CNTNAP2: variants seen among roughly 807,000 people sequenced by gnomAD.
CNTNAP2 encodes contactin-associated protein-like 2.
CNTNAP2 carries 98 observed loss-of-function variants against 155.2 expected under a neutral mutation model. That is an observed-to-expected ratio of 0.63 (90% CI 0.54 to 0.75). CNTNAP2 has a LOEUF of 0.75. Ranked by LOEUF, CNTNAP2 falls within the 30% of genes least tolerant of loss-of-function variation. The pLI is 0.00. For missense variants in CNTNAP2, 1,727 were observed against 1,688.1 expected, an observed-to-expected ratio of 1.02 and a Z score of -0.40; for synonymous variants, 651 against 631.2, an observed-to-expected ratio of 1.03 and a Z score of -0.47.
intron 2 of CNTNAP2, among the ~76,000 whole-genome samples, chr7:146,797,724 T>C (rs1281583039): frequency 1.3e-5 from 2 of 152,154 alleles, no homozygotes; most frequent in African/African-American, 4.8e-5. Flanking sequence ...ATCTCACTGA[T>C]TTACAAAAAG....
At chr7:147,609,232 C>A (rs2116873836) in intron 12 of CNTNAP2, among the ~76,000 whole-genome samples, 1 of 152,190 alleles carries the variant, frequency 6.6e-6, no homozygotes, top group South Asian at 2.1e-4. Flanking sequence ...GAGTTTATTG[C>A]CCTTTAAGAA....
intron 1 of CNTNAP2, among the ~76,000 whole-genome samples, chr7:146,188,159 G>C (rs1798649548): frequency 6.6e-6 from 1 of 152,128 alleles, no homozygotes; most frequent in Admixed American, 6.6e-5. Context: ...AATCCATATT[G>C]AAACAGGATA....
At chr7:146,512,049 T>A (rs1797474501) in intron 1 of CNTNAP2, among the ~76,000 whole-genome samples, 1 of 152,018 alleles carries the variant, frequency 6.6e-6, no homozygotes, top group African/African-American at 2.4e-5. Flanking sequence ...TTGTTGAAGG[T>A]TTTCTGATTT....
intron 9 of CNTNAP2, among the ~76,000 whole-genome samples, chr7:147,363,703 T>C (rs1796181471): frequency 6.6e-6 from 1 of 152,206 alleles, no homozygotes; most frequent in African/African-American, 2.4e-5. Context: ...GTATGTTTTC[T>C]ATTAACTTCT....
At chr7:146,586,009 A>AAC (rs1563145393) in intron 1 of CNTNAP2, among the ~76,000 whole-genome samples, 1 of 128,204 alleles carries the variant, frequency 7.8e-6, no homozygotes, top group East Asian at 2.2e-4. Context: ...TGTCTCAAAA[A>AAC]AACAACAACA....
chr7:146,470,257 A>G (rs1398635107), intron 1 of CNTNAP2, among the ~76,000 whole-genome samples: 1 of 152,190 alleles, frequency 6.6e-6, no homozygotes, highest in Non-Finnish European at 1.5e-5. Flanking sequence ...ACATGGAATG[A>G]GTCTGTTGAT....
chr7:148,331,801 A>AGTGG (rs1183842019), intron 21 of CNTNAP2, among the ~76,000 whole-genome samples: 139 of 151,382 alleles, frequency 9.2e-4, no homozygotes, highest in Non-Finnish European at 1.4e-3. Context: ...GGATGGATAG[A>AGTGG]ATGGCCTCCT....
chr7:147,468,260 T>A (rs4725726), intron 10 of CNTNAP2, among the ~76,000 whole-genome samples: 2 of 152,048 alleles, frequency 1.3e-5, no homozygotes, highest in African/African-American at 4.8e-5. Flanking sequence ...TACAGTCCAG[T>A]CTGAGAAAGA....
chr7:146,784,023 C>A (rs1470044425), intron 2 of CNTNAP2, among the ~76,000 whole-genome samples: 1 of 152,046 alleles, frequency 6.6e-6, no homozygotes, highest in Non-Finnish European at 1.5e-5. Context: ...TCTGAAAATA[C>A]TGATTATAAA....
At chr7:146,151,785 T>C (rs1798057017) in intron 1 of CNTNAP2, among the ~76,000 whole-genome samples, 1 of 146,728 alleles carries the variant, frequency 6.8e-6, no homozygotes, top group Non-Finnish European at 1.5e-5. Flanking sequence ...TTGAGAACAG[T>C]CATCTACAAA....
At chr7:146,221,021 A>G (rs942733460) in intron 1 of CNTNAP2, among the ~76,000 whole-genome samples, 6 of 152,238 alleles carry the variant, frequency 3.9e-5, no homozygotes, top group Non-Finnish European at 7.3e-5. Context: ...AAGTACTTCC[A>G]GAGTCCAGAG....
chr7:147,762,503 G>C (rs932892750), intron 13 of CNTNAP2, among the ~76,000 whole-genome samples: 1 of 151,870 alleles, frequency 6.6e-6, no homozygotes, highest in African/African-American at 2.4e-5. Flanking sequence ...TAGCTACTGG[G>C]AAGTCCTAAC....
chr7:147,710,172 G>T (rs573495381), intron 13 of CNTNAP2, among the ~76,000 whole-genome samples: 46 of 152,276 alleles, frequency 3.0e-4, no homozygotes, highest in African/African-American at 1.1e-3. Context: ...GCATGTTGGA[G>T]TTCCTGTAAA....
intron 1 of CNTNAP2, among the ~76,000 whole-genome samples, chr7:146,623,631 T>A (rs1799370907): frequency 6.6e-6 from 1 of 152,204 alleles, no homozygotes; most frequent in Non-Finnish European, 1.5e-5. Context: ...TATAGTTGTA[T>A]CACAGTTTAT....
intron 10 of CNTNAP2, among the ~76,000 whole-genome samples, chr7:147,441,741 C>A (rs73740952): frequency 6.6e-6 from 1 of 151,654 alleles, no homozygotes; most frequent in Non-Finnish European, 1.5e-5. Flanking sequence ...AAGACCTGGG[C>A]GAATTCTCTG....
At chr7:147,564,499 A>T (rs1800128381) in intron 12 of CNTNAP2, among the ~76,000 whole-genome samples, 2 of 152,202 alleles carry the variant, frequency 1.3e-5, no homozygotes, top group Non-Finnish European at 2.9e-5. Context: ...GAAAATATAT[A>T]ATACAATTAA....
Position 146,929,100 on chromosome 7 carries a change from G to A in CNTNAP2, c.402+89196G>A, listed in dbSNP as rs185283593. Among the ~76,000 whole-genome samples, 230 of 152,330 alleles carry A rather than the reference G, an allele frequency of 1.5e-3. 2 individuals are homozygous for A. The highest frequency in any genetic ancestry group is 5.0e-3 in the African/African-American group (209 of 41,584). On this transcript the variant is annotated intron_variant, in intron 3 of 23. Coordinates refer to ENST00000361727, the MANE Select transcript of CNTNAP2 (RefSeq NM_014141.6). ...AAGAGAGCAGTGGCTCTCCCAGCAT[G>A]CAGCTGGAGATTTGAGAATGGGCAG...
intron 20 of CNTNAP2, among the ~76,000 whole-genome samples, chr7:148,261,807 G>A (rs1253368892): frequency 2.0e-5 from 3 of 152,120 alleles, no homozygotes; most frequent in South Asian, 2.1e-4. Flanking sequence ...AAAGGCCTGC[G>A]ACTCAGACAG....
At chr7:148,086,496 T>A (rs1803731573) in intron 15 of CNTNAP2, among the ~76,000 whole-genome samples, 2 of 152,230 alleles carry the variant, frequency 1.3e-5, no homozygotes, top group Non-Finnish European at 1.5e-5. Flanking sequence ...ATATTTTAAA[T>A]GCATTTCAAT....
Sources: allele counts gnomAD v4.1 joint callset (sites outside exome capture counted in the v4.1 genomes callset), GRCh38; gene constraint gnomAD v4.1.1; transcripts MANE v1.5; gene names NCBI Gene and HGNC (gene_info 2026-07-23, HGNC 2026-07-21).